The following AP4E1 variants were observed in gnomAD, a reference collection of about 807,000 sequenced individuals.
AP4E1 encodes the protein adaptor related protein complex 4 subunit epsilon 1.
Under a neutral mutation model 128.2 loss-of-function variants are expected in AP4E1, and 56 were observed. The ratio of observed to expected loss-of-function variants is 0.44; its 90% CI spans 0.35 to 0.55. The LOEUF (loss-of-function observed/expected upper bound fraction) is 0.55. AP4E1 is among the 20% of genes least tolerant of loss of function. AP4E1 has a pLI of 0.00. For synonymous variants in AP4E1, 484 were observed against 473.1 expected, an observed-to-expected ratio of 1.02 and a Z score of -0.30; for missense variants, 1,324 against 1,307.7, an observed-to-expected ratio of 1.01 and a Z score of -0.19.
At chr15:50,961,591 GA>G (rs969198580) in intron 14 of AP4E1, among the ~76,000 whole-genome samples, 10 of 151,162 alleles carry the variant, frequency 6.6e-5, no homozygotes, top group East Asian at 3.9e-4. Flanking sequence ...AAAAAGCATA[GA>G]AAAAAAATAC....
Position 50,959,631 on chromosome 15 carries a change from C to T in AP4E1, c.1851+837C>T, listed in dbSNP as rs181339669. Among the ~76,000 whole-genome samples the T allele has an allele frequency of 2.1e-4, 32 of 152,202 alleles. 2 individuals carry two copies. The East Asian group carries it at 3.5e-3, about 17-fold the overall frequency. On this transcript the variant is annotated intron_variant, in intron 14 of 20. Coordinates refer to ENST00000261842, the MANE Select transcript of AP4E1 (RefSeq NM_007347.5). ...AAAACACATGAAAGTATAAAACTCA[C>T]TGGTAAGGCAGATACACAAATGAGA...
chr15:50,962,441 A>G (rs2140884412), intron 14 of AP4E1, among the ~76,000 whole-genome samples: 1 of 152,046 alleles, frequency 6.6e-6, no homozygotes, highest in Non-Finnish European at 1.5e-5. Context: ...GGGAACCCAG[A>G]AAAACCGTGT....
Position 50,957,822 on chromosome 15 carries a change from G to A in AP4E1, c.1549-670G>A, listed in dbSNP as rs548814022. ...CTCCTGAGTAGCTGAGACTCTAGGC[G>A]TGTGCCACCACACCTAGCTAATTTT... On this transcript the variant is annotated intron_variant, in intron 13 of 20. Transcript: ENST00000261842. Among the ~76,000 whole-genome samples the A allele has an allele frequency of 1.8e-4, 28 of 151,778 alleles. No homozygotes were observed. The East Asian group carries it at 4.1e-3, about 22-fold the overall frequency.
intron 5 of AP4E1, among the ~76,000 whole-genome samples, chr15:50,928,198 T>C (rs910815192): frequency 6.6e-6 from 1 of 152,182 alleles, no homozygotes; most frequent in African/African-American, 2.4e-5. Flanking sequence ...CCAGAATATT[T>C]GGAGTCTGCT....
At chr15:50,945,489 G>A in intron 10 of AP4E1, 4 of 759,080 alleles carry the variant, frequency 5.3e-6, no homozygotes, top group South Asian at 4.2e-5. Flanking sequence ...CTCCTGTAAT[G>A]TTCCATATGG....
At position 50,930,801 on chromosome 15, in the gene AP4E1, G is replaced by A; in HGVS notation, c.703-4G>A. ...AACAAAGTTTTTTTTGCGGGGGGAT[G>A]TAGGAGAATTCATCTGGATATAAAG... On this transcript the variant is annotated splice_region_variant and splice_polypyrimidine_tract_variant and intron_variant, in intron 6 of 20. Coordinates refer to ENST00000261842, the MANE Select transcript of AP4E1 (RefSeq NM_007347.5). 6.2e-7 allele frequency: 1 copy of A among 1,613,918 alleles called. No individual in the cohort carries two copies. The highest frequency in any genetic ancestry group is 8.5e-7 in the Non-Finnish European group (1 of 1,179,946).
chr15:50,943,236 TAAAA>T (rs905890176), intron 10 of AP4E1, among the ~76,000 whole-genome samples: 5 of 152,028 alleles, frequency 3.3e-5, no homozygotes, highest in African/African-American at 1.2e-4. Flanking sequence ...ATTACATTCT[TAAAA>T]AAAGAGAATC....
rs1041555003 is a variant in AP4E1 at position 51,000,262 on chromosome 15, C to T, written c.3096-764C>T. ...GCTCAATTGATCCTCCCACCTCAGGCTCCTGAGTAGCTGGGACTACAGGAA... is the reference window on the plus strand; with the variant it reads ...GCTCAATTGATCCTCCCACCTCAGGTTCCTGAGTAGCTGGGACTACAGGAA... On this transcript the variant is annotated intron_variant, in intron 19 of 20. Transcript: ENST00000261842. Among the ~76,000 whole-genome samples the T allele has an allele frequency of 5.9e-5, 9 of 151,528 alleles. No individual in the cohort carries two copies. The East Asian group carries it at 1.4e-3, about 23-fold the overall frequency.
chr15:50,982,238 T>A (rs561297953), intron 15 of AP4E1, among the ~76,000 whole-genome samples: 1 of 152,160 alleles, frequency 6.6e-6, no homozygotes, highest in East Asian at 1.9e-4. Context: ...TTTCTGGAAC[T>A]ATAAGCCAAG....
intron 16 of AP4E1, among the ~76,000 whole-genome samples, chr15:50,992,499 A>G (rs528247643): frequency 1.3e-5 from 2 of 152,300 alleles, no homozygotes; most frequent in African/African-American, 4.8e-5. Context: ...ATCCTTGGCT[A>G]TTTTAGCCCG....
chr15:50,958,863 G>T, intron 14 of AP4E1, 69 bp downstream of exon 14: 1 of 1,471,736 alleles, frequency 6.8e-7, no homozygotes, highest in South Asian at 1.1e-5. Context: ...TTGCATTTGT[G>T]ACATATCAGG....
chr15:50,928,230 A>AT (rs1567215865), intron 5 of AP4E1, among the ~76,000 whole-genome samples: 16 of 152,096 alleles, frequency 1.1e-4, no homozygotes, highest in African/African-American at 3.9e-4. Context: ...TATATATATA[A>AT]AAAAGAAACA....
At chr15:50,938,727 T>C (rs949408964) in intron 8 of AP4E1, among the ~76,000 whole-genome samples, 4 of 152,180 alleles carry the variant, frequency 2.6e-5, no homozygotes, top group African/African-American at 9.6e-5. Context: ...TCCCTCATAG[T>C]GTCACTGGAG....
chr15:50,956,974 C>G (rs2064232875), intron 13 of AP4E1, among the ~76,000 whole-genome samples: 1 of 152,086 alleles, frequency 6.6e-6, no homozygotes, highest in Admixed American at 6.5e-5. Context: ...CGCTTTTGGG[C>G]TCTGGCAGGA....
intron 10 of AP4E1, among the ~76,000 whole-genome samples, chr15:50,947,444 A>G (rs1380825514): frequency 1.3e-5 from 2 of 151,890 alleles, no homozygotes; most frequent in East Asian, 3.9e-4. Flanking sequence ...AGTAGCTATA[A>G]AACAGTTCTT....
intron 3 of AP4E1, among the ~76,000 whole-genome samples, chr15:50,917,325 G>A (rs1328606702): frequency 1.3e-5 from 2 of 152,132 alleles, no homozygotes; most frequent in East Asian, 3.8e-4. Context: ...GCAGATTTTA[G>A]GCAAAAGTCT....
chr15:50,911,585 C>T (rs749802274), intron 1 of AP4E1, among the ~76,000 whole-genome samples: 4 of 150,050 alleles, frequency 2.7e-5, no homozygotes, highest in African/African-American at 7.4e-5. Context: ...CGGGTTCAAG[C>T]GATTCTCCTG....
At chr15:50,925,678 G>T (rs2063759931) in intron 5 of AP4E1, among the ~76,000 whole-genome samples, 1 of 149,414 alleles carries the variant, frequency 6.7e-6, no homozygotes, top group Non-Finnish European at 1.5e-5. Context: ...TGTCCAGGCT[G>T]GAGTGCAATG....
chr15:50,974,207 C>A (rs553449463), intron 15 of AP4E1, among the ~76,000 whole-genome samples: 1 of 151,922 alleles, frequency 6.6e-6, no homozygotes, highest in African/African-American at 2.4e-5. Context: ...TTCAAGTGAT[C>A]CACCTGTCTT....
Sources: allele counts gnomAD v4.1 joint callset (sites outside exome capture counted in the v4.1 genomes callset), GRCh38; gene constraint gnomAD v4.1.1; transcripts MANE v1.5; gene names NCBI Gene and HGNC (gene_info 2026-07-23, HGNC 2026-07-21).